SH3D19: variants seen among roughly 807,000 people sequenced by gnomAD.
SH3D19 encodes SH3 domain containing 19, also known as SH3 domain-containing protein 19.
Under a neutral mutation model 112.1 loss-of-function variants are expected in SH3D19, and 58 were observed. The observed-to-expected ratio is 0.52, with a 90% CI of 0.42 to 0.64. The LOEUF (loss-of-function observed/expected upper bound fraction) is 0.64, where lower values mean the gene tolerates loss of function less well. Among genes scored for constraint, SH3D19 ranks in the 30% least tolerant of loss-of-function variants. The pLI, the probability that SH3D19 is intolerant of heterozygous loss-of-function variation, is 0.00. For synonymous variants in SH3D19, 391 were observed against 448.5 expected, an observed-to-expected ratio of 0.87 and a Z score of 1.62; for missense variants, 1,090 against 1,263.4, an observed-to-expected ratio of 0.86 and a Z score of 2.08.
intron 1 of SH3D19, among the ~76,000 whole-genome samples, chr4:151,309,944 G>A (rs1383010211): frequency 6.6e-6 from 1 of 151,758 alleles, no homozygotes; most frequent in Non-Finnish European, 1.5e-5. Flanking sequence ...GAGCAGAGAT[G>A]ACACCGCTGC....
intron 1 of SH3D19, chr4:151,259,391 T>C (rs1257410632): frequency 6.6e-6 from 1 of 152,188 alleles, no homozygotes; most frequent in East Asian, 1.9e-4. Flanking sequence ...AGGACCTGAG[T>C]TTGGGAAATG....
intron 1 of SH3D19, among the ~76,000 whole-genome samples, chr4:151,318,613 A>C (rs1730248078): frequency 1.3e-5 from 2 of 152,246 alleles, no homozygotes; most frequent in African/African-American, 4.8e-5. Flanking sequence ...ATAATAAGAA[A>C]AAGGAGACAT....
chr4:151,239,016 T>C (rs1428292570), intron 1 of SH3D19, among the ~76,000 whole-genome samples: 1 of 152,150 alleles, frequency 6.6e-6, no homozygotes, highest in Non-Finnish European at 1.5e-5. Context: ...CTAAAGTAAG[T>C]GCCCAATTCT....
chr4:151,286,982 A>AAATAATAAT (rs113584974), intron 1 of SH3D19, among the ~76,000 whole-genome samples: 3,530 of 141,772 alleles, frequency 0.025, 92 homozygotes, highest in African/African-American at 0.063. Context: ...TCTGTCTCAA[A>AAATAATAAT]AATAATAATA....
rs568747740 is a variant in SH3D19, at chr4:151,269,085, C to T, written c.113-42999G>A. Among the ~76,000 whole-genome samples the T allele has an allele frequency of 3.6e-3, 549 of 152,358 alleles. 5 individuals are homozygous for T. Among genetic ancestry groups the T allele is most frequent in the African/African-American group, 0.013 (529 of 41,582 alleles). ...GTGGAAAAGTGTTCCTATTTCTCCACATCCTCTCCAGCACCTGTTGTTTCC... is the reference window on the plus strand; with the variant it reads ...GTGGAAAAGTGTTCCTATTTCTCCATATCCTCTCCAGCACCTGTTGTTTCC... On this transcript the variant is annotated intron_variant, in intron 1 of 19. Coordinates refer to ENST00000604030, the MANE Select transcript of SH3D19 (RefSeq NM_001378122.1).
Position 151,290,770 on chromosome 4 carries a change from C to T in SH3D19, c.112+34471G>A, listed in dbSNP as rs546789583. Among the ~76,000 whole-genome samples the T allele has an allele frequency of 9.8e-4, 149 of 152,284 alleles. 1 individual carries two copies. The Middle Eastern group carries it at 0.014, about 14-fold the overall frequency. On this transcript the variant is annotated intron_variant, in intron 1 of 19. Transcript: ENST00000604030. ...TATCATTTTAGGTAAGAATGGATTA[C>T]TTAACACTAAACAAGAGCAGTAAGA...
chr4:151,157,412 C>T (rs1187628646), intron 9 of SH3D19, among the ~76,000 whole-genome samples: 1 of 130,958 alleles, frequency 7.6e-6, no homozygotes, highest in East Asian at 2.3e-4. Context: ...GTTGGGATGG[C>T]TATTATCTAA....
At chr4:151,302,543 A>C (rs1398400003) in intron 1 of SH3D19, among the ~76,000 whole-genome samples, 1 of 151,228 alleles carries the variant, frequency 6.6e-6, no homozygotes, top group Non-Finnish European at 1.5e-5. Context: ...TTCTGTAAAG[A>C]GTGAGATAGT....
At chr4:151,218,073 T>A (rs1767421071) in intron 2 of SH3D19, among the ~76,000 whole-genome samples, 1 of 152,162 alleles carries the variant, frequency 6.6e-6, no homozygotes, top group South Asian at 2.1e-4. Context: ...TTAAGTCACC[T>A]ATGGGATAAA....
Position 151,132,954 on chromosome 4 carries a change from T to C in SH3D19, c.2689+80A>G, listed in dbSNP as rs551484971. 23 of 1,205,772 alleles carry C rather than the reference T, an allele frequency of 1.9e-5. No individual in the cohort carries two copies. In the East Asian group the frequency reaches 5.9e-4, roughly 31 times the overall value. The allele number at this position is 1,205,772 out of a possible 1,614,324, so 74.7% of individuals were successfully genotyped here. On this transcript the variant is annotated intron_variant, in intron 16 of 19. Transcript: ENST00000604030. Reference sequence around the variant, plus strand: ...GTAAAAATATGGCAATATGGATTATTATACAGCTTAAGTATAATGATATTA... The same window carrying C: ...GTAAAAATATGGCAATATGGATTATCATACAGCTTAAGTATAATGATATTA...
intron 1 of SH3D19, among the ~76,000 whole-genome samples, chr4:151,316,761 T>C (rs540946479): frequency 6.6e-6 from 1 of 152,066 alleles, no homozygotes; most frequent in East Asian, 1.9e-4. Context: ...TTACAGTTCC[T>C]GAAGGTGAGG....
At chr4:151,287,498 A>AT (rs1774923794) in intron 1 of SH3D19, among the ~76,000 whole-genome samples, 2 of 152,120 alleles carry the variant, frequency 1.3e-5, no homozygotes, top group Non-Finnish European at 1.5e-5. Flanking sequence ...ATCCAACAAC[A>AT]TATAAAAAGG....
intron 1 of SH3D19, chr4:151,227,833 A>G: frequency 1.0e-6 from 1 of 985,464 alleles, no homozygotes; most frequent in Non-Finnish European, 1.2e-6. Context: ...TACATAGTTT[A>G]CTTAGGCATG....
intron 2 of SH3D19, among the ~76,000 whole-genome samples, chr4:151,191,660 T>C (rs920204228): frequency 1.3e-5 from 2 of 151,958 alleles, no homozygotes; most frequent in Non-Finnish European, 2.9e-5. Context: ...TTTTTTTTTC[T>C]TTTGAGATGG....
Position 151,255,855 on chromosome 4 carries a change from T to C in SH3D19, c.113-29769A>G, listed in dbSNP as rs1244347341. 7.2e-5 allele frequency among the ~76,000 whole-genome samples: 11 copies of C among 152,276 alleles called. No individual in the cohort carries two copies. In the East Asian group the frequency reaches 1.9e-3, roughly 27 times the overall value. ...GCCTGGCCAACACAGCGAAACACCG[T>C]CTCCACCAAAACCAGTCAGGCGTGG... On this transcript the variant is annotated intron_variant, in intron 1 of 19. Coordinates refer to ENST00000604030, the MANE Select transcript of SH3D19 (RefSeq NM_001378122.1).
intron 1 of SH3D19, among the ~76,000 whole-genome samples, chr4:151,286,472 C>A (rs1195672528): frequency 1.3e-5 from 2 of 151,014 alleles, no homozygotes; most frequent in Non-Finnish European, 2.9e-5. Flanking sequence ...TAACAGTATG[C>A]CAAAAAATTA....
At chr4:151,297,629 GA>G (rs1775795048) in intron 1 of SH3D19, among the ~76,000 whole-genome samples, 1 of 152,180 alleles carries the variant, frequency 6.6e-6, no homozygotes, top group African/African-American at 2.4e-5. Context: ...AATCAAGAAT[GA>G]CCATAGGTTA....
At chr4:151,144,221 T>C in intron 11 of SH3D19, 171 bp from the exon 12 acceptor site, 1 of 1,613,848 alleles carries the variant, frequency 6.2e-7, no homozygotes, top group Non-Finnish European at 8.5e-7. Context: ...CTACTTTACC[T>C]TACAAGAGAG....
intron 8 of SH3D19, among the ~76,000 whole-genome samples, chr4:151,161,763 T>TC: frequency 7.0e-6 from 1 of 143,420 alleles, no homozygotes. Flanking sequence ...AATTCATACC[T>TC]CTTTTTTTTT....
Sources: gnomAD v4.1 joint callset for allele counts (sites outside exome capture counted in the v4.1 genomes callset) on GRCh38, gnomAD v4.1.1 for gene constraint, MANE v1.5 for transcripts, NCBI Gene and HGNC (gene_info 2026-07-23, HGNC 2026-07-21) for gene names.